RAPGEF6: variants seen among roughly 807,000 people sequenced by gnomAD.
The protein encoded by RAPGEF6 is Rap guanine nucleotide exchange factor 6, also known as PDZ domain containing guanine nucleotide exchange factor (GEF) 2.
In RAPGEF6, 56 loss-of-function variants were observed where a neutral mutation model predicts 171.4. That is an observed-to-expected ratio of 0.33 (90% CI 0.26 to 0.41). The LOEUF (loss-of-function observed/expected upper bound fraction) is 0.41, where lower values mean the gene tolerates loss of function less well. RAPGEF6 is among the 10% of genes least tolerant of loss of function. The pLI is 1.00. For missense variants in RAPGEF6, 1,674 were observed against 1,921.4 expected (o/e 0.87, Z 2.41); for synonymous variants, 692 against 650.1 (o/e 1.06, Z -0.98).
chr5:131,455,600 GAC>G (rs1753432920), intron 20 of RAPGEF6, among the ~76,000 whole-genome samples, 199 bp downstream of exon 20: 1 of 152,078 alleles, frequency 6.6e-6, no homozygotes, highest in African/African-American at 2.4e-5. Context: ...TGCATTATCT[GAC>G]ACAGAAAAAA....
chr5:131,436,504 T>C, intron 24 of RAPGEF6: 1 of 887,418 alleles, frequency 1.1e-6, no homozygotes, highest in South Asian at 1.9e-5. Context: ...TCTAGCAACA[T>C]ATTTTTTAAT....
rs71590767 is a variant in RAPGEF6 at position 131,528,313 on chromosome 5, TTATA to T, written c.496-6796_496-6793del. ...AATAAAATAAAATAATATATTTATA[TTATA>T]TATATATATATATATATATATACAC... On this transcript the variant is annotated intron_variant, in intron 6 of 27. Coordinates refer to ENST00000509018, the MANE Select transcript of RAPGEF6 (RefSeq NM_016340.6). Among the ~76,000 whole-genome samples, 58 of 48,820 alleles carry T rather than the reference TTATA, an allele frequency of 1.2e-3. 1 individual carries two copies. Among genetic ancestry groups the T allele is most frequent in the Middle Eastern group, 0.01 (1 of 98 alleles). 32.0% of individuals were successfully genotyped at this position (48,820 alleles called of 152,430 possible).
chr5:131,612,853 A>G (rs1465242226), intron 1 of RAPGEF6, among the ~76,000 whole-genome samples: 1 of 152,242 alleles, frequency 6.6e-6, no homozygotes, highest in African/African-American at 2.4e-5. Flanking sequence ...TGCCATGAAT[A>G]TATGAGAAAG....
intron 6 of RAPGEF6, among the ~76,000 whole-genome samples, chr5:131,543,490 G>A (rs1486754530): frequency 6.6e-6 from 1 of 152,050 alleles, no homozygotes; most frequent in African/African-American, 2.4e-5. Flanking sequence ...AAACGACATG[G>A]GCAAATTAAG....
intron 4 of RAPGEF6, among the ~76,000 whole-genome samples, chr5:131,569,693 TTA>T (rs1472599610): frequency 6.6e-6 from 1 of 152,120 alleles, no homozygotes; most frequent in African/African-American, 2.4e-5. Flanking sequence ...AAAATAAACC[TTA>T]AAGTAGATAT....
intron 27 of RAPGEF6, 113 bp from the exon 28 acceptor site, chr5:131,427,404 GC>G: frequency 3.5e-6 from 3 of 861,202 alleles, no homozygotes. Context: ...CTCAAACATT[GC>G]ATCGAGGCCC....
chr5:131,458,084 TA>T (rs2149830505), intron 19 of RAPGEF6, among the ~76,000 whole-genome samples: 1 of 152,186 alleles, frequency 6.6e-6, no homozygotes, highest in African/African-American at 2.4e-5. Context: ...ACAACAGCAA[TA>T]AAAGATATTA....
At chr5:131,561,227 G>A (rs1324999523) in intron 5 of RAPGEF6, among the ~76,000 whole-genome samples, 1 of 152,062 alleles carries the variant, frequency 6.6e-6, no homozygotes, top group East Asian at 1.9e-4. Flanking sequence ...TAATTAAAAA[G>A]TGAAAATACT....
At chr5:131,564,053 A>G (rs560986839) in intron 4 of RAPGEF6, among the ~76,000 whole-genome samples, 1 of 152,310 alleles carries the variant, frequency 6.6e-6, no homozygotes, top group South Asian at 2.1e-4. Context: ...GAAACAAAAA[A>G]CTAAGATGAC....
chr5:131,604,826 T>C (rs1764457542), intron 1 of RAPGEF6, 133 bp from the exon 2 acceptor site: 2 of 1,139,598 alleles, frequency 1.8e-6, no homozygotes, highest in Middle Eastern at 3.0e-4. Flanking sequence ...TCATAAAACC[T>C]CTGAATCATA....
intron 4 of RAPGEF6, among the ~76,000 whole-genome samples, chr5:131,566,296 T>C (rs1368724571): frequency 2.0e-5 from 3 of 152,238 alleles, no homozygotes; most frequent in Non-Finnish European, 2.9e-5. Context: ...GAATGAGTTT[T>C]AGATTTTTCC....
In RAPGEF6 at chr5:131,457,094, C is replaced by T. The variant is rs1361294788; in HGVS notation, c.2865-1082G>A. On this transcript the variant is annotated intron_variant, in intron 19 of 27. Coordinates refer to ENST00000509018, the MANE Select transcript of RAPGEF6 (RefSeq NM_016340.6). ...TTTATTTATTTGAGACACAGTCTTG[C>T]TCTGTTGCCCAGGCTGGAGTGCGGT... is the stretch of plus-strand genomic sequence containing the variant. 3.9e-5 allele frequency among the ~76,000 whole-genome samples: 6 copies of T among 152,296 alleles called. No individual in the cohort carries two copies. The South Asian group carries it at 1.0e-3, about 26-fold the overall frequency.
intron 23 of RAPGEF6, among the ~76,000 whole-genome samples, chr5:131,440,737 C>CAA (rs1168441695): frequency 3.7e-3 from 245 of 66,376 alleles, no homozygotes; most frequent in Middle Eastern, 7.6e-3. Flanking sequence ...GACTCTGTCT[C>CAA]AAAAAAAAAA....
intron 3 of RAPGEF6, among the ~76,000 whole-genome samples, chr5:131,595,159 G>A (rs553270735): frequency 6.6e-6 from 1 of 152,240 alleles, no homozygotes; most frequent in South Asian, 2.1e-4. Flanking sequence ...ATGTGTCAGG[G>A]GAGGGACCTG....
chr5:131,524,205 ATGGGAAATGTG>A (rs1758703254), intron 6 of RAPGEF6, among the ~76,000 whole-genome samples: 1 of 152,198 alleles, frequency 6.6e-6, no homozygotes, highest in Non-Finnish European at 1.5e-5. Flanking sequence ...ACCAAGGAAA[ATGGGAAATGTG>A]TGGGTAAATC....
chr5:131,485,183 T>C (rs1755799993), intron 15 of RAPGEF6, among the ~76,000 whole-genome samples: 1 of 152,164 alleles, frequency 6.6e-6, no homozygotes, highest in East Asian at 1.9e-4. Flanking sequence ...CGCCTCAGCC[T>C]CCTAAATTGC....
Position 131,430,899 on chromosome 5 carries a change from A to C in RAPGEF6, c.4425T>G (p.Val1475=), listed in dbSNP as rs1048339276. Residue 1475 remains valine (V), a synonymous_variant, in exon 26 of 28, where the codon GTT becomes GTG. Transcript: ENST00000509018. ...GLDPKDATDP[V]YKTVTSSTEK... is the part of the protein sequence containing the mutation. ...CTGTACTTGAAGTGACAGTTTTATA[A>C]ACTGGGTCAGTGGCATCCTTGGGGT... 6.2e-7 allele frequency: 1 copy of C among 1,609,464 alleles called. No individual in the cohort carries two copies. The highest frequency in any genetic ancestry group is 1.3e-5 in the African/African-American group (1 of 74,560).
At chr5:131,440,174 G>A (rs994908974) in intron 23 of RAPGEF6, 11 of 455,556 alleles carry the variant, frequency 2.4e-5, no homozygotes, top group African/African-American at 4.0e-5. Context: ...GTGGGTATAC[G>A]GGAAGAGGCT....
intron 18 of RAPGEF6, chr5:131,463,605 G>A (rs1754100070): frequency 1.6e-6 from 1 of 613,036 alleles, no homozygotes; most frequent in African/African-American, 2.1e-5. Flanking sequence ...ACCAGAGTAA[G>A]GAACAAATGT....
Sources: gnomAD v4.1 joint callset for allele counts (sites outside exome capture counted in the v4.1 genomes callset) on GRCh38, gnomAD v4.1.1 for gene constraint, MANE v1.5 for transcripts, NCBI Gene and HGNC (gene_info 2026-07-23, HGNC 2026-07-21) for gene names.